SYTL5: variants seen among roughly 807,000 people sequenced by gnomAD.
SYTL5 encodes the protein synaptotagmin like 5.
In SYTL5, 34 loss-of-function variants were observed where a neutral mutation model predicts 55.9. The ratio of observed to expected loss-of-function variants is 0.61; its 90% confidence interval spans 0.46 to 0.81. SYTL5 has a LOEUF of 0.81. Ranked by LOEUF, SYTL5 falls within the 30% of genes least tolerant of loss-of-function variation. SYTL5 has a pLI of 0.00. For synonymous variants in SYTL5, 221 were observed against 188.7 expected (o/e 1.17, Z -1.40); for missense variants, 637 against 546.7 (o/e 1.17, Z -1.65).
At chrX:38,085,873 G>T (rs1338168904) in intron 6 of SYTL5, among the ~76,000 whole-genome samples, 1 of 111,104 alleles carries the variant, frequency 9.0e-6, no homozygotes, top group African/African-American at 3.3e-5. Context: ...TCTAGAAATG[G>T]ATGTATCTGG....
chrX:37,928,357 C>T, the SYTL5 span, among the ~76,000 whole-genome samples: 1 of 111,951 alleles, frequency 8.9e-6, no homozygotes, highest in East Asian at 2.8e-4. Context: ...TACCCTCACA[C>T]CGGGGGTCAG....
the SYTL5 span, among the ~76,000 whole-genome samples, chrX:37,909,768 A>G: frequency 0.31 from 34,009 of 108,311 alleles, 6,099 homozygotes; most frequent in African/African-American, 0.68. Flanking sequence ...TCTGCCTCCC[A>G]GGTTCAAGCG....
At chrX:37,903,092 A>G in the SYTL5 span, among the ~76,000 whole-genome samples, 1 of 111,004 alleles carries the variant, frequency 9.0e-6, no homozygotes. Flanking sequence ...ACACTTTTAC[A>G]CTGTTGGTGG....
In SYTL5 at chrX:38,109,266, C is replaced by T. The variant is rs143964499; in HGVS notation, c.1434+567C>T. Among the ~76,000 whole-genome samples the T allele has an allele frequency of 9.9e-3, 1,103 of 111,868 alleles. 17 individuals carry two copies. Among genetic ancestry groups the T allele is most frequent in the African/African-American group, 0.033 (1,011 of 30,741 alleles). Reference sequence around the variant, plus strand: ...GATCCAGAAAATAGAAATCTCTTTCCAATGCGCTTTCACATAATTAACCCC... The same window carrying T: ...GATCCAGAAAATAGAAATCTCTTTCTAATGCGCTTTCACATAATTAACCCC... On this transcript the variant is annotated intron_variant, in intron 12 of 16. Coordinates refer to ENST00000297875, the MANE Select transcript of SYTL5 (RefSeq NM_138780.3).
chrX:37,922,523 T>A, the SYTL5 span, among the ~76,000 whole-genome samples: 58 of 112,266 alleles, frequency 5.2e-4, no homozygotes, highest in Non-Finnish European at 9.0e-4. Context: ...CAAACTATCT[T>A]TTCATTTTGT....
chrX:37,904,269 G>GT, the SYTL5 span, among the ~76,000 whole-genome samples: 4 of 105,510 alleles, frequency 3.8e-5, no homozygotes, highest in African/African-American at 1.4e-4. Flanking sequence ...GTGGTCCGGG[G>GT]GGGGGGGTGA....
At chrX:38,012,788 A>G (rs1168261674) in intron 1 of SYTL5, among the ~76,000 whole-genome samples, 1 of 112,141 alleles carries the variant, frequency 8.9e-6, no homozygotes, top group African/African-American at 3.2e-5. Context: ...AAGTGACATT[A>G]TATCAAAGAT....
chrX:38,101,408 T>C (rs1937080639), intron 9 of SYTL5, among the ~76,000 whole-genome samples: 1 of 111,277 alleles, frequency 9.0e-6, no homozygotes, highest in Non-Finnish European at 1.9e-5. Context: ...TCCTGATTTA[T>C]AAAACTATAG....
the SYTL5 span, among the ~76,000 whole-genome samples, chrX:37,898,634 A>T: frequency 8.9e-6 from 1 of 112,191 alleles, no homozygotes; most frequent in Non-Finnish European, 1.9e-5. Context: ...TCTGAAATAG[A>T]TTATTAGTTT....
intron 2 of SYTL5, among the ~76,000 whole-genome samples, chrX:38,052,547 G>T (rs1003751): frequency 0.048 from 5,329 of 111,620 alleles, 315 homozygotes; most frequent in African/African-American, 0.16. Flanking sequence ...GATTCCATCT[G>T]TACTGCTTAT....
At chrX:37,893,664 A>ATATATATAATCTATATATAATCTATAGAT in the SYTL5 span, among the ~76,000 whole-genome samples, 4 of 57,108 alleles carry the variant, frequency 7.0e-5, 1 homozygote, top group African/African-American at 7.8e-4. Flanking sequence ...TATAAAATCT[A>ATATATATAATCTATATATAATCTATAGAT]TATATATAAT....
At chrX:38,087,090 G>T (rs1936675307) in intron 6 of SYTL5, among the ~76,000 whole-genome samples, 1 of 111,095 alleles carries the variant, frequency 9.0e-6, no homozygotes, top group African/African-American at 3.3e-5. Flanking sequence ...AAACCACCTG[G>T]CTCTGGGAGG....
intron 7 of SYTL5, 134 bp from the exon 8 acceptor site, chrX:38,094,161 C>T: frequency 1.9e-6 from 1 of 538,219 alleles, no homozygotes; most frequent in Non-Finnish European, 2.8e-6. Flanking sequence ...GGTGAGGGTC[C>T]TTCAAATGTC....
chrX:38,107,153 T>C (rs1051104293), intron 11 of SYTL5, among the ~76,000 whole-genome samples: 2 of 111,920 alleles, frequency 1.8e-5, no homozygotes, highest in Non-Finnish European at 3.8e-5. Flanking sequence ...AGGGCAATTA[T>C]GAGGCTCTCA....
chrX:38,120,771 C>T (rs755489655), intron 14 of SYTL5, among the ~76,000 whole-genome samples: 71 of 110,076 alleles, frequency 6.5e-4, no homozygotes, highest in African/African-American at 2.2e-3. Flanking sequence ...CTGCTGGAGG[C>T]AAGTATAGGA....
At chrX:37,984,981 T>C in the SYTL5 span, among the ~76,000 whole-genome samples, 1 of 112,119 alleles carries the variant, frequency 8.9e-6, no homozygotes, top group Admixed American at 9.5e-5. Flanking sequence ...CTTCCTCAAC[T>C]TGATAAAGGG....
At chrX:37,979,144 A>G in the SYTL5 span, among the ~76,000 whole-genome samples, 1 of 111,140 alleles carries the variant, frequency 9.0e-6, no homozygotes, top group African/African-American at 3.3e-5. Context: ...AGAAGAAAAA[A>G]CATGAAATTA....
the SYTL5 span, among the ~76,000 whole-genome samples, chrX:37,895,880 T>C: frequency 3.6e-5 from 4 of 111,975 alleles, no homozygotes; most frequent in Admixed American, 9.5e-5. Flanking sequence ...TGCATTGAAT[T>C]GAAGCTAGGT....
At chrX:37,947,227 C>T in the SYTL5 span, among the ~76,000 whole-genome samples, 2 of 111,418 alleles carry the variant, frequency 1.8e-5, no homozygotes, top group Admixed American at 9.6e-5. Flanking sequence ...TCCTGTGCAT[C>T]ATAAGACATT....
Sources: allele counts gnomAD v4.1 joint callset (sites outside exome capture counted in the v4.1 genomes callset), GRCh38; gene constraint gnomAD v4.1.1; transcripts MANE v1.5; gene names NCBI Gene and HGNC (gene_info 2026-07-23, HGNC 2026-07-21).